Variants in BMPR2 observed in about 807,000 individuals in gnomAD.
BMPR2 encodes the protein bone morphogenetic protein receptor type-2.
A neutral mutation model predicts 100.8 loss-of-function variants in BMPR2; 29 were observed. The ratio of observed to expected loss-of-function variants is 0.29; its 90% CI spans 0.21 to 0.39. The LOEUF (loss-of-function observed/expected upper bound fraction) is 0.39. Ranked by LOEUF, BMPR2 falls within the 10% of genes least tolerant of loss-of-function variation. The pLI, the probability that BMPR2 is intolerant of heterozygous loss-of-function variation, is 1.00. For synonymous variants in BMPR2, 382 were observed against 442.3 expected (o/e 0.86, Z 1.71); for missense variants, 1,011 against 1,274.5 (o/e 0.79, Z 3.15).
intron 1 of BMPR2, among the ~76,000 whole-genome samples, chr2:202,450,877 G>C (rs1051206126): frequency 6.6e-5 from 10 of 152,056 alleles, no homozygotes; most frequent in African/African-American, 2.4e-4. Flanking sequence ...TGAAATCCCA[G>C]TTGTATTTGT....
chr2:202,387,300 TTAGTA>T (rs1243155739), intron 1 of BMPR2, among the ~76,000 whole-genome samples: 8 of 152,240 alleles, frequency 5.3e-5, no homozygotes, highest in African/African-American at 1.4e-4. Flanking sequence ...TTTCTCATCT[TTAGTA>T]TAGTTACTAA....
chr2:202,478,353 C>A (rs1198267125), intron 3 of BMPR2, among the ~76,000 whole-genome samples: 2 of 152,104 alleles, frequency 1.3e-5, no homozygotes, highest in African/African-American at 2.4e-5. Flanking sequence ...CAACCATATA[C>A]AACCATATAC....
chr2:202,544,666 C>A (rs1181785462), intron 10 of BMPR2, among the ~76,000 whole-genome samples: 1 of 151,226 alleles, frequency 6.6e-6, no homozygotes, highest in Non-Finnish European at 1.5e-5. Flanking sequence ...AGGCATGGAT[C>A]TTTACACACA....
intron 3 of BMPR2, among the ~76,000 whole-genome samples, chr2:202,484,830 G>A (rs1181480366): frequency 1.4e-5 from 2 of 147,988 alleles, no homozygotes; most frequent in African/African-American, 2.5e-5. Flanking sequence ...TTAGCCAGGC[G>A]TGGTGGCGGT....
At chr2:202,512,775 T>G (rs998638973) in intron 3 of BMPR2, among the ~76,000 whole-genome samples, 1 of 152,126 alleles carries the variant, frequency 6.6e-6, no homozygotes, top group Admixed American at 6.5e-5. Flanking sequence ...GTGAGTAAAC[T>G]TGGGCTCAGA....
intron 1 of BMPR2, among the ~76,000 whole-genome samples, chr2:202,461,070 C>T (rs990709596): frequency 6.6e-6 from 1 of 152,140 alleles, no homozygotes; most frequent in Non-Finnish European, 1.5e-5. Flanking sequence ...GTGCAAACTC[C>T]TGGCCTCAAG....
At chr2:202,490,338 G>A (rs944963347) in intron 3 of BMPR2, among the ~76,000 whole-genome samples, 1 of 151,844 alleles carries the variant, frequency 6.6e-6, no homozygotes, top group Non-Finnish European at 1.5e-5. Flanking sequence ...ACACACACAC[G>A]AGGTTGTACT....
chr2:202,467,105 A>T (rs1559047363), intron 2 of BMPR2: 1 of 267,412 alleles, frequency 3.7e-6, no homozygotes, highest in Non-Finnish European at 7.2e-6. Context: ...TACTAAAAAT[A>T]CAAAATTAGC....
chr2:202,491,493 G>A (rs1692901156), intron 3 of BMPR2, among the ~76,000 whole-genome samples: 2 of 151,300 alleles, frequency 1.3e-5, no homozygotes, highest in Non-Finnish European at 1.5e-5. Flanking sequence ...GCACGATCTC[G>A]GCTCACTGCA....
Position 202,518,855 on chromosome 2 carries a change from A to G in BMPR2, c.655A>G (p.Lys219Glu), listed in dbSNP as rs1687767423. 1 of 1,614,118 alleles carries G rather than the reference A, an allele frequency of 6.2e-7. No homozygotes were observed. Among genetic ancestry groups the G allele is most frequent in the Admixed American group, 1.7e-5 (1 of 60,006 alleles). The change falls in exon 6 of 13, where the codon AAA becomes GAA. Residue 219 changes from lysine (K) to glutamate (E), a missense_variant. Physicochemically the swap from Lys to Glu is moderately conservative, Grantham distance 56. Around this residue, in one of 6 missense-constraint regions of BMPR2, gnomAD observed 355 missense variants for 455.3 expected, o/e 0.78. Coordinates refer to ENST00000374580, the MANE Select transcript of BMPR2 (RefSeq NM_001204.7). ...CCGAGGTCGATATGGAGCAGTATAT[A>G]AAGGCTCCTTGGATGAGCGTCCAGT... is the stretch of plus-strand genomic sequence containing the variant. Reference protein sequence around the residue: ...IGRGRYGAVYKGSLDERPVAV... With the variant: ...IGRGRYGAVYEGSLDERPVAV...
chr2:202,441,179 C>T (rs2105939170), intron 1 of BMPR2, among the ~76,000 whole-genome samples: 1 of 149,956 alleles, frequency 6.7e-6, no homozygotes, highest in East Asian at 1.9e-4. Context: ...TGGGGTTTCA[C>T]TGTGTTGCCC....
chr2:202,465,632 G>A (rs1443000296), intron 2 of BMPR2, among the ~76,000 whole-genome samples: 1 of 151,674 alleles, frequency 6.6e-6, no homozygotes, highest in Non-Finnish European at 1.5e-5. Flanking sequence ...GCCGAGGCGG[G>A]TGGATCACTA....
At chr2:202,469,341 T>G (rs933497285) in intron 3 of BMPR2, among the ~76,000 whole-genome samples, 2 of 152,020 alleles carry the variant, frequency 1.3e-5, no homozygotes, top group Non-Finnish European at 2.9e-5. Flanking sequence ...GTGTAGCTTT[T>G]TGTATGTAGT....
chr2:202,377,496 C>T lies in BMPR2; in HGVS notation c.22C>T (p.Pro8Ser). The T allele has an allele frequency of 6.2e-7, 1 of 1,614,252 alleles. No homozygotes were observed. The highest frequency in any genetic ancestry group is 8.5e-7 in the Non-Finnish European group (1 of 1,180,046). The change falls in exon 1 of 13, where the codon CCC (proline) becomes TCC (serine). Residue 8 changes from proline to serine, a missense_variant. Coordinates refer to ENST00000374580, the MANE Select transcript of BMPR2 (RefSeq NM_001204.7). ...AGGGATGACTTCCTCGCTGCAGCGG[C>T]CCTGGCGGGTGCCCTGGCTACCATG... MTSSLQR[P>S]WRVPWLPWTI...
chr2:202,462,395 AT>A (rs998796739), intron 1 of BMPR2, among the ~76,000 whole-genome samples: 42 of 151,682 alleles, frequency 2.8e-4, no homozygotes, highest in African/African-American at 9.9e-4. Flanking sequence ...TAATTTTTGT[AT>A]TTCTAGTGGA....
Position 202,503,294 on chromosome 2 carries a change from C to A in BMPR2, c.419-10425C>A, listed in dbSNP as rs1035255517. ...TCCCACTTTGGCGGCACTTGAGGAG[C>A]CCTTCAGCCCACCACTGCATTGTGG... On this transcript the variant is annotated intron_variant, in intron 3 of 12. Transcript: ENST00000374580. This position sits in a 1 kb window ranked among gnomAD's most constrained non-coding sequence, Gnocchi z 4.0. 9.9e-5 allele frequency among the ~76,000 whole-genome samples: 15 copies of A among 152,248 alleles called. No individual in the cohort carries two copies. The highest frequency in any genetic ancestry group is 3.4e-4 in the African/African-American group (14 of 41,476).
chr2:202,521,708 G>T (rs889740748), intron 7 of BMPR2, among the ~76,000 whole-genome samples: 5 of 152,228 alleles, frequency 3.3e-5, no homozygotes, highest in Non-Finnish European at 7.3e-5. Context: ...TGTGGGGACA[G>T]TATGAGCCTG....
At chr2:202,477,614 C>A (rs919217511) in intron 3 of BMPR2, among the ~76,000 whole-genome samples, 1 of 151,982 alleles carries the variant, frequency 6.6e-6, no homozygotes, top group Non-Finnish European at 1.5e-5. Flanking sequence ...ATGATGAAAC[C>A]CACCTCTACT....
At chr2:202,400,834 T>TG (rs1690757025) in intron 1 of BMPR2, among the ~76,000 whole-genome samples, 1 of 152,220 alleles carries the variant, frequency 6.6e-6, no homozygotes, top group Non-Finnish European at 1.5e-5. Flanking sequence ...AGTATTTTGT[T>TG]GTTTTATTCA....
Sources: gnomAD v4.1 joint callset for allele counts (sites outside exome capture counted in the v4.1 genomes callset) on GRCh38, gnomAD v4.1.1 for gene constraint, gnomAD v4.1.1 regional missense constraint, Gnocchi (gnomAD v3.1) non-coding constraint, MANE v1.5 for transcripts, NCBI Gene and HGNC (gene_info 2026-07-23, HGNC 2026-07-21) for gene names.